OLFM2: variants seen among roughly 807,000 people sequenced by gnomAD.
OLFM2 encodes olfactomedin 2.
Under a neutral mutation model 43.9 loss-of-function variants are expected in OLFM2, and 20 were observed. The ratio of observed to expected loss-of-function variants is 0.46; its 90% CI spans 0.32 to 0.66. OLFM2 has a LOEUF of 0.66. OLFM2 is among the 30% of genes least tolerant of loss of function. OLFM2 has a pLI of 0.04. For synonymous variants in OLFM2, 268 were observed against 278.6 expected (o/e 0.96, Z 0.38); for missense variants, 416 against 643.6 (o/e 0.65, Z 3.83).
chr19:9,858,737 C>T (rs2046343621), intron 2 of OLFM2, among the ~76,000 whole-genome samples: 1 of 152,224 alleles, frequency 6.6e-6, no homozygotes, highest in Non-Finnish European at 1.5e-5. Flanking sequence ...CTCCCCCTGG[C>T]TAAGGTAGAC....
In OLFM2 at chr19:9,857,311, G is replaced by A. The variant is rs778983446; in HGVS notation, c.532C>T (p.Arg178Trp). 10 of 1,614,124 alleles carry A rather than the reference G, an allele frequency of 6.2e-6. No homozygotes were observed. The highest frequency in any genetic ancestry group is 2.2e-5 in the East Asian group (1 of 44,882). The change falls in exon 4 of 6, where the codon CGG (arginine) becomes TGG (tryptophan). Residue 178 changes from arginine (R) to tryptophan (W), a missense_variant. Physicochemically the swap from Arg to Trp is moderately radical, Grantham distance 101. Transcript: ENST00000264833. This position sits in a 1 kb window ranked among gnomAD's most constrained non-coding sequence, Gnocchi z 5.7. ...AGCCGGGCCTCCAGGGCCATCACCC[G>A]TTGCTGCAGGTCCTCATACCCGTAG... ...GAYGYEDLQQ[R>W]VMALEARLHA...
At chr19:9,887,771 G>C (rs375749036) in intron 1 of OLFM2, among the ~76,000 whole-genome samples, 2 of 152,086 alleles carry the variant, frequency 1.3e-5, no homozygotes, top group Non-Finnish European at 2.9e-5. Flanking sequence ...TCAGCCAAGC[G>C]TGATTACACC....
intron 1 of OLFM2, among the ~76,000 whole-genome samples, chr19:9,893,822 C>T (rs1381219257): frequency 6.6e-6 from 1 of 152,044 alleles, no homozygotes; most frequent in Non-Finnish European, 1.5e-5. Flanking sequence ...GGATTATTAC[C>T]AGGGTTTCTT....
intron 1 of OLFM2, among the ~76,000 whole-genome samples, chr19:9,907,369 C>T (rs1000254798): frequency 6.6e-6 from 1 of 152,092 alleles, no homozygotes; most frequent in South Asian, 2.1e-4. Flanking sequence ...GCAGGAGAAT[C>T]GCTTGAACCC....
intron 1 of OLFM2, among the ~76,000 whole-genome samples, chr19:9,881,838 T>A (rs2046542697): frequency 6.6e-6 from 1 of 151,994 alleles, no homozygotes; most frequent in Admixed American, 6.6e-5. Flanking sequence ...CATGTTGGAT[T>A]AGGGCCCATT....
intron 1 of OLFM2, among the ~76,000 whole-genome samples, chr19:9,918,854 C>T (rs2145000289): frequency 6.6e-6 from 1 of 152,134 alleles, no homozygotes; most frequent in East Asian, 1.9e-4. Flanking sequence ...AGATTGCCTG[C>T]AAGTGGGGGT....
At chr19:9,859,071 T>C (rs1035089428) in intron 2 of OLFM2, among the ~76,000 whole-genome samples, 6 of 152,250 alleles carry the variant, frequency 3.9e-5, no homozygotes, top group African/African-American at 1.4e-4. Context: ...CTGGCTAAGG[T>C]AAACTCAGTC....
Position 9,856,748 on chromosome 19 carries a change from G to T in OLFM2, c.687+59C>A. 2.2e-6 allele frequency: 3 copies of T among 1,366,336 alleles called. No homozygotes were observed. The highest frequency in any genetic ancestry group is 1.2e-5 in the South Asian group (1 of 82,008). The allele number at this position is 1,366,336 out of a possible 1,614,324, so 84.6% of individuals were successfully genotyped here. On this transcript the variant is annotated intron_variant, in intron 5 of 5. Coordinates refer to ENST00000264833, the MANE Select transcript of OLFM2 (RefSeq NM_058164.4). The surrounding 1 kb of genome is among the most constrained non-coding windows in gnomAD (Gnocchi z 4.0). ...GTGTGGACTCCCTAGGCACCTATGGGCAGTCAAAGGCTCTGTCCCTCCCAG... is the reference window on the plus strand; with the variant it reads ...GTGTGGACTCCCTAGGCACCTATGGTCAGTCAAAGGCTCTGTCCCTCCCAG...
In OLFM2 at chr19:9,854,409, T is replaced by C; in HGVS notation, c.1142A>G (p.Tyr381Cys). The change falls in exon 6 of 6, where the codon TAC (tyrosine) becomes TGC (cysteine). Residue 381 changes from tyrosine (Y) to cysteine (C), a missense_variant. Physicochemically the swap from Tyr to Cys is radical, Grantham distance 194. Coordinates refer to ENST00000264833, the MANE Select transcript of OLFM2 (RefSeq NM_058164.4). The surrounding 1 kb of genome is among the most constrained non-coding windows in gnomAD (Gnocchi z 9.5). Reference sequence around the variant, plus strand: ...CCCAGCCAGGTGGGAGTTGGTCACGTAGAGCACACCGCAGATCATGAAGGC... The same window carrying C: ...CCCAGCCAGGTGGGAGTTGGTCACGCAGAGCACACCGCAGATCATGAAGGC... ...GEAFMICGVL[Y>C]VTNSHLAGAK... The C allele has an allele frequency of 6.2e-7, 1 of 1,614,172 alleles. No individual in the cohort carries two copies. Among genetic ancestry groups the C allele is most frequent in the Non-Finnish European group, 8.5e-7 (1 of 1,180,020 alleles).
chr19:9,904,416 T>C (rs10420302), intron 1 of OLFM2, among the ~76,000 whole-genome samples: 96,457 of 151,412 alleles, frequency 0.64, 31,091 homozygotes, highest in Admixed American at 0.71. Context: ...GTCTCGAACC[T>C]CTGACCTCAG....
chr19:9,888,448 T>TG (rs36108868), intron 1 of OLFM2, among the ~76,000 whole-genome samples: 117,043 of 149,296 alleles, frequency 0.78, 46,326 homozygotes, highest in Non-Finnish European at 0.85. Flanking sequence ...CGCTTGAGCC[T>TG]GGGGGGCGGA....
chr19:9,928,710 C>T (rs2145010055), intron 1 of OLFM2, among the ~76,000 whole-genome samples: 1 of 151,736 alleles, frequency 6.6e-6, no homozygotes, highest in Non-Finnish European at 1.5e-5. Context: ...GTGGCTGAGG[C>T]ATGAGAATTG....
chr19:9,913,420 G>T (rs2046845348), intron 1 of OLFM2: 2 of 957,224 alleles, frequency 2.1e-6, no homozygotes, highest in South Asian at 9.3e-5. Context: ...CTGCGGCGGC[G>T]GCAGCGGCTG....
At chr19:9,872,841 C>A (rs1428291864) in intron 1 of OLFM2, among the ~76,000 whole-genome samples, 1 of 152,094 alleles carries the variant, frequency 6.6e-6, no homozygotes, top group Non-Finnish European at 1.5e-5. Context: ...TCCAACCATC[C>A]ATTTATATAC....
At chr19:9,858,109 C>T in intron 2 of OLFM2, 1 of 584,252 alleles carries the variant, frequency 1.7e-6, no homozygotes, top group East Asian at 3.0e-5. Flanking sequence ...CCTCCCTAGT[C>T]TCCCAGTTCC....
At chr19:9,914,751 G>T (rs979962988) in intron 1 of OLFM2, among the ~76,000 whole-genome samples, 5 of 152,070 alleles carry the variant, frequency 3.3e-5, no homozygotes, top group African/African-American at 1.2e-4. Context: ...AGCCGGCGGC[G>T]GCAGCCGCTG....
At chr19:9,922,386 C>A (rs1310362095) in intron 1 of OLFM2, among the ~76,000 whole-genome samples, 3 of 152,136 alleles carry the variant, frequency 2.0e-5, no homozygotes, top group Admixed American at 1.3e-4. Flanking sequence ...TCCAAGTTGT[C>A]AATAAACATA....
chr19:9,930,077 C>A (rs1483957097), intron 1 of OLFM2, among the ~76,000 whole-genome samples: 1 of 151,992 alleles, frequency 6.6e-6, no homozygotes, highest in Non-Finnish European at 1.5e-5. Flanking sequence ...TCCACACATA[C>A]CATATGGTTG....
chr19:9,891,867 A>G (rs996425140), intron 1 of OLFM2, among the ~76,000 whole-genome samples: 2 of 152,354 alleles, frequency 1.3e-5, no homozygotes, highest in South Asian at 4.1e-4. Context: ...AAGAACACAC[A>G]TGAGCAGGTA....
Sources: gnomAD v4.1 joint callset for allele counts (sites outside exome capture counted in the v4.1 genomes callset) on GRCh38, gnomAD v4.1.1 for gene constraint, Gnocchi (gnomAD v3.1) non-coding constraint, MANE v1.5 for transcripts, NCBI Gene and HGNC (gene_info 2026-07-23, HGNC 2026-07-21) for gene names.